Variants in PTPRB observed in about 807,000 individuals in gnomAD.
PTPRB encodes receptor-type tyrosine-protein phosphatase beta.
In PTPRB, 97 loss-of-function variants were observed where a neutral mutation model predicts 238.1. The ratio of observed to expected loss-of-function variants is 0.41; its 90% confidence interval spans 0.35 to 0.48. The LOEUF (loss-of-function observed/expected upper bound fraction) is 0.48, where lower values mean the gene tolerates loss of function less well. Among genes scored for constraint, PTPRB ranks in the 20% least tolerant of loss-of-function variants. The pLI, the probability that PTPRB is intolerant of heterozygous loss-of-function variation, is 0.30. For missense variants in PTPRB, 2,292 were observed against 2,681.9 expected, an observed-to-expected ratio of 0.85 and a Z score of 3.21; for synonymous variants, 970 against 995.4, an observed-to-expected ratio of 0.97 and a Z score of 0.48.
chr12:70,540,574 CAA>C, intron 23 of PTPRB: 2 of 329,284 alleles, frequency 6.1e-6, no homozygotes, highest in Non-Finnish European at 1.1e-5. Context: ...CACACACACA[CAA>C]AATATTTTTT....
At chr12:70,588,418 G>A (rs1411507387) in intron 8 of PTPRB, among the ~76,000 whole-genome samples, 1 of 152,184 alleles carries the variant, frequency 6.6e-6, no homozygotes, top group Non-Finnish European at 1.5e-5. Context: ...TGGATCACCT[G>A]AGGTCAAGAG....
At chr12:70,576,684 A>AGGGGGGGGGGGGGGG (rs1313001377) in intron 10 of PTPRB, 39 bp from the exon 11 acceptor site, 1 of 29,862 alleles carries the variant, frequency 3.3e-5, no homozygotes, top group African/African-American at 1.8e-4. Flanking sequence ...GGGGGGGGGA[A>AGGGGGGGGGGGGGGG]GGGGGATTCA....
intron 9 of PTPRB, 32 bp downstream of exon 9, chr12:70,586,975 C>G: frequency 1.3e-6 from 2 of 1,585,228 alleles, no homozygotes; most frequent in Non-Finnish European, 1.7e-6. Flanking sequence ...AGACAGAACA[C>G]TTTAAAATGT....
intron 31 of PTPRB, 37 bp downstream of exon 31, chr12:70,534,451 T>A (rs1381988534): frequency 2.5e-6 from 4 of 1,602,420 alleles, no homozygotes; most frequent in Non-Finnish European, 3.4e-6. Flanking sequence ...AACCCCCTTA[T>A]GGCTGCCATT....
At chr12:70,557,827 G>A (rs991728882) in intron 18 of PTPRB, among the ~76,000 whole-genome samples, 5 of 152,224 alleles carry the variant, frequency 3.3e-5, no homozygotes, top group Admixed American at 6.5e-5. Context: ...GTGTCACATG[G>A]TAGATGGCGA....
intron 18 of PTPRB, among the ~76,000 whole-genome samples, chr12:70,557,747 T>G (rs1456128033): frequency 6.6e-6 from 1 of 152,250 alleles, no homozygotes; most frequent in Non-Finnish European, 1.5e-5. Flanking sequence ...GCTGGGCTCA[T>G]TGCCTTGTGT....
intron 10 of PTPRB, 42 bp from the exon 11 acceptor site, chr12:70,576,687 G>GGGTGGGGGGC: frequency 2.8e-6 from 1 of 352,100 alleles, no homozygotes; most frequent in Non-Finnish European, 5.1e-6. Flanking sequence ...GGGGGGAAGG[G>GGGTGGGGGGC]GGATTCAAAA....
chr12:70,609,175 T>A lies in PTPRB; in HGVS notation c.873A>T (p.Ile291=). The part of the protein sequence containing the change: ...LGAALCPTFR[I]DNTTYGCNLQ... ...GGTTACATCCGTATGTGGTGTTGTCTATCCGAAAGGTAGGGCACAACGCGG... is the reference window on the plus strand; with the variant it reads ...GGTTACATCCGTATGTGGTGTTGTCAATCCGAAAGGTAGGGCACAACGCGG... Residue 291 remains isoleucine (I), a synonymous_variant, in exon 4 of 34, where the codon ATA becomes ATT. Coordinates refer to ENST00000334414, the MANE Select transcript of PTPRB (RefSeq NM_001109754.4). The A allele has an allele frequency of 6.2e-7, 1 of 1,614,076 alleles. No homozygotes were observed. The highest frequency in any genetic ancestry group is 8.5e-7 in the Non-Finnish European group (1 of 1,179,902).
chr12:70,581,202 T>C lies in PTPRB; in HGVS notation c.2412A>G (p.Gln804=), dbSNP rs778463213. The change falls in exon 10 of 34, where the codon CAA becomes CAG. Residue 804 remains glutamine, a synonymous_variant. Coordinates refer to ENST00000334414, the MANE Select transcript of PTPRB (RefSeq NM_001109754.4). Reference sequence around the variant, plus strand: ...CCACATTTTCATGGATCAGTAAGACTTGGTAAAATTCTACGTCTCCTTGTG... The same window carrying C: ...CCACATTTTCATGGATCAGTAAGACCTGGTAAAATTCTACGTCTCCTTGTG... ...TQAQGDVEFY[Q]VLLIHENVVI... 3.7e-6 allele frequency: 6 copies of C among 1,613,998 alleles called. No individual in the cohort carries two copies. In the South Asian group the frequency reaches 5.5e-5, roughly 15 times the overall value.
intron 33 of PTPRB, among the ~76,000 whole-genome samples, chr12:70,523,180 C>T (rs1871869045): frequency 6.6e-6 from 1 of 151,766 alleles, no homozygotes; most frequent in African/African-American, 2.4e-5. Context: ...TTTTGAGATA[C>T]AATCTTGCTC....
At chr12:70,588,762 G>T (rs1882195384) in intron 8 of PTPRB, among the ~76,000 whole-genome samples, 1 of 152,098 alleles carries the variant, frequency 6.6e-6, no homozygotes, top group African/African-American at 2.4e-5. Context: ...AGACCAGCCT[G>T]GCCAACATGG....
chr12:70,633,723 T>C (rs1885559141), intron 2 of PTPRB, among the ~76,000 whole-genome samples: 1 of 152,198 alleles, frequency 6.6e-6, no homozygotes, highest in Non-Finnish European at 1.5e-5. Context: ...CTTATTCTAG[T>C]TACCTTATTT....
chr12:70,527,625 AAAG>A (rs1219133126), intron 32 of PTPRB: 2 of 152,224 alleles, frequency 1.3e-5, no homozygotes, highest in South Asian at 2.1e-4. Flanking sequence ...AAGCAGCATA[AAAG>A]AAGAAGGGAC....
intron 4 of PTPRB, among the ~76,000 whole-genome samples, chr12:70,604,368 T>A (rs566011934): frequency 6.6e-6 from 1 of 152,300 alleles, no homozygotes; most frequent in Non-Finnish European, 1.5e-5. Context: ...TTAAGAAGAA[T>A]TGTATCAAAA....
At chr12:70,603,466 T>C (rs1290423424) in intron 4 of PTPRB, among the ~76,000 whole-genome samples, 1 of 152,208 alleles carries the variant, frequency 6.6e-6, no homozygotes, top group African/African-American at 2.4e-5. Context: ...CACGTGGTAA[T>C]TTGAAAAAGC....
At position 70,559,583 on chromosome 12, in the gene PTPRB, T is replaced by G; in HGVS notation, c.4474A>C (p.Asn1492His). 6.2e-7 allele frequency: 1 copy of G among 1,613,202 alleles called. No homozygotes were observed. The highest frequency in any genetic ancestry group is 2.2e-5 in the East Asian group (1 of 44,880). ...TTCCACGTGATGGCCAAGGATGTGTTTGCAATGTCAGCAAATGACATAAGA... is the reference window on the plus strand; with the variant it reads ...TTCCACGTGATGGCCAAGGATGTGTGTGCAATGTCAGCAAATGACATAAGA... ...PSLMSFADIA[N>H]TSLAITWKGP... is the part of the protein sequence containing the mutation. The change falls in exon 18 of 34, where the codon AAC (asparagine) becomes CAC (histidine). Residue 1492 changes from asparagine (N) to histidine (H), a missense_variant. Asn to His is a moderately conservative substitution (Grantham distance 68). Coordinates refer to ENST00000334414, the MANE Select transcript of PTPRB (RefSeq NM_001109754.4).
In PTPRB at chr12:70,518,022, A is replaced by G. The variant is rs1871323049; in HGVS notation, c.*3467T>C. 6.6e-6 allele frequency: 1 copy of G among 152,160 alleles called. No homozygotes were observed. 9.4% of individuals were successfully genotyped at this position (152,160 alleles called of 1,614,324 possible). The stretch of plus-strand genomic sequence containing the variant: ...CTGGACATCTGGTAAATGGTTTAAT[A>G]TTATTTTCACATGTCATTTTGGGCT... On this transcript the variant is annotated 3_prime_UTR_variant, in exon 34 of 34. Transcript: ENST00000334414.
chr12:70,635,462 G>T (rs1199248730), intron 2 of PTPRB, among the ~76,000 whole-genome samples: 1 of 152,152 alleles, frequency 6.6e-6, no homozygotes, highest in African/African-American at 2.4e-5. Flanking sequence ...AATAGAAAAA[G>T]TTGGGCTTAT....
At chr12:70,619,038 C>G (rs999029055) in intron 3 of PTPRB, among the ~76,000 whole-genome samples, 6 of 152,088 alleles carry the variant, frequency 3.9e-5, no homozygotes, top group Admixed American at 3.3e-4. Context: ...CAACATAGGA[C>G]AATCTTGCAG....
Sources: gnomAD v4.1 joint callset for allele counts (sites outside exome capture counted in the v4.1 genomes callset) on GRCh38, gnomAD v4.1.1 for gene constraint, MANE v1.5 for transcripts, NCBI Gene and HGNC (gene_info 2026-07-23, HGNC 2026-07-21) for gene names.